Variants in ZNF107 observed in about 807,000 individuals in gnomAD.
ZNF107 encodes zinc finger protein 107, also known as C2H2 type zinc-finger protein.
A neutral mutation model predicts 12.3 loss-of-function variants in ZNF107; 19 were observed. That is an observed-to-expected ratio of 1.55 (90% CI 1.08 to 2.27). ZNF107 has a LOEUF of 2.27. Ranked by LOEUF, ZNF107 falls within the 30% of genes most tolerant of loss-of-function variation. ZNF107 has a pLI of 0.00. For missense variants in ZNF107, 958 were observed against 979.9 expected, an observed-to-expected ratio of 0.98 and a Z score of 0.30; for synonymous variants, 317 against 330.5, an observed-to-expected ratio of 0.96 and a Z score of 0.44.
chr7:64,686,401 T>C (rs758709311), intron 1 of ZNF107: 32 of 485,048 alleles, frequency 6.6e-5, no homozygotes, highest in Non-Finnish European at 3.7e-5. Context: ...CCAATCAATC[T>C]ATGCGACAAA....
At position 64,674,210 on chromosome 7, in the gene ZNF107, G is replaced by A. The variant is rs114462918; in HGVS notation, c.3+7925G>A. On this transcript the variant is annotated intron_variant, in intron 1 of 3. Transcript: ENST00000620827. ...TCTGTACATTTCTTTGGGCAGTATGGCCATTTTAATAATTTTGATCTTTTC... is the reference window on the plus strand; with the variant it reads ...TCTGTACATTTCTTTGGGCAGTATGACCATTTTAATAATTTTGATCTTTTC... Among the ~76,000 whole-genome samples, 1,089 of 152,018 alleles carry A rather than the reference G, an allele frequency of 7.2e-3. 14 individuals carry two copies. The highest frequency in any genetic ancestry group is 0.025 in the African/African-American group (1,038 of 41,464).
chr7:64,694,087 C>T (rs1466098586), intron 3 of ZNF107, among the ~76,000 whole-genome samples: 1 of 152,204 alleles, frequency 6.6e-6, no homozygotes, highest in Non-Finnish European at 1.5e-5. Flanking sequence ...CACACCCAGC[C>T]ACTGTGTGGG....
At position 64,709,230 on chromosome 7, in the gene ZNF107, A is replaced by C; in HGVS notation, c.*574A>C. ...CCCTACAAATGTGAAGTCTGTGGCAAAGCTTTTAACTGATTCTCAACTCTT... is the reference window on the plus strand; with the variant it reads ...CCCTACAAATGTGAAGTCTGTGGCACAGCTTTTAACTGATTCTCAACTCTT... On this transcript the variant is annotated 3_prime_UTR_variant, in exon 4 of 4. Coordinates refer to ENST00000620827, the MANE Select transcript of ZNF107 (RefSeq NM_001282359.2). 1 of 399,614 alleles carries C rather than the reference A, an allele frequency of 2.5e-6. No individual in the cohort carries two copies. The highest frequency in any genetic ancestry group is 5.0e-6 in the Non-Finnish European group (1 of 200,768). The allele number at this position is 399,614 out of a possible 1,614,324, so 24.8% of individuals were successfully genotyped here.
intron 3 of ZNF107, among the ~76,000 whole-genome samples, chr7:64,693,159 C>T (rs1408729638): frequency 7.1e-6 from 1 of 141,034 alleles, no homozygotes; most frequent in African/African-American, 2.6e-5. Flanking sequence ...CTACCACACT[C>T]AGCTAATTTT....
chr7:64,684,419 C>G (rs1789816976), intron 1 of ZNF107, among the ~76,000 whole-genome samples: 1 of 152,120 alleles, frequency 6.6e-6, no homozygotes, highest in African/African-American at 2.4e-5. Context: ...CCTCAGTGGA[C>G]AGGACCCTTC....
chr7:64,709,076 C>T lies in ZNF107; in HGVS notation c.*420C>T, dbSNP rs1183639008. ...GTGAAGAATGTGGCAAAGCTTTTAA[C>T]CAATCCTCATACCTTACTATACAGA... is the stretch of plus-strand genomic sequence containing the variant. On this transcript the variant is annotated 3_prime_UTR_variant, in exon 4 of 4. Coordinates refer to ENST00000620827, the MANE Select transcript of ZNF107 (RefSeq NM_001282359.2). The T allele has an allele frequency of 8.7e-6, 4 of 460,532 alleles. No individual in the cohort carries two copies. The highest frequency in any genetic ancestry group is 1.7e-5 in the Non-Finnish European group (4 of 229,348). The allele number at this position is 460,532 out of a possible 1,614,324, so 28.5% of individuals were successfully genotyped here. A position where few individuals can be genotyped will look rare whatever the true frequency, so the allele number is the denominator to read the frequency against.
Position 64,708,826 on chromosome 7 carries a change from A to G in ZNF107, c.*170A>G. ...AAAGAATGTGGCACAGCTTTTAACTAATCTTCAAACCTTACTGAAAGTTGA... is the reference window on the plus strand; with the variant it reads ...AAAGAATGTGGCACAGCTTTTAACTGATCTTCAAACCTTACTGAAAGTTGA... On this transcript the variant is annotated 3_prime_UTR_variant, in exon 4 of 4. Transcript: ENST00000620827. 1.4e-6 allele frequency: 1 copy of G among 717,060 alleles called. No individual in the cohort carries two copies. The highest frequency in any genetic ancestry group is 2.1e-5 in the South Asian group (1 of 48,752). The allele number at this position is 717,060 out of a possible 1,614,324, so 44.4% of individuals were successfully genotyped here. A position where few individuals can be genotyped will look rare whatever the true frequency, so the allele number is the denominator to read the frequency against.
intron 1 of ZNF107, among the ~76,000 whole-genome samples, chr7:64,681,288 C>T (rs1789662262): frequency 6.6e-6 from 1 of 152,208 alleles, no homozygotes; most frequent in South Asian, 2.1e-4. Context: ...CTTTCAGGGA[C>T]CTGTCTCCCT....
chr7:64,669,288 G>C (rs1789132928), intron 1 of ZNF107: 1 of 151,802 alleles, frequency 6.6e-6, no homozygotes, highest in Non-Finnish European at 1.5e-5. Flanking sequence ...GGGATTACAG[G>C]CATGAGCCAC....
In ZNF107 at chr7:64,706,899, C is replaced by T; in HGVS notation, c.802C>T (p.Gln268Ter). 6.2e-7 allele frequency: 1 copy of T among 1,613,006 alleles called. No homozygotes were observed. Among genetic ancestry groups the T allele is most frequent in the Non-Finnish European group, 8.5e-7 (1 of 1,179,568 alleles). The change falls in exon 4 of 4, where the codon CAG becomes TAG. Residue 268 changes from glutamine (Q) to a stop codon, truncating the protein, a stop_gained. Coordinates refer to ENST00000620827, the MANE Select transcript of ZNF107 (RefSeq NM_001282359.2). LOFTEE classifies it low-confidence loss of function (END_TRUNC). Reference sequence around the variant, plus strand: ...TGAAGAATGTGGCAAGGCCTTTAAACAGGCCTCACACCTTACTATACATAA... The same window carrying T: ...TGAAGAATGTGGCAAGGCCTTTAAATAGGCCTCACACCTTACTATACATAA... ...KCEECGKAFK[Q>*]ASHLTIHKII...
At chr7:64,683,381 G>A (rs1337293568) in intron 1 of ZNF107, among the ~76,000 whole-genome samples, 2 of 152,216 alleles carry the variant, frequency 1.3e-5, no homozygotes, top group Non-Finnish European at 2.9e-5. Flanking sequence ...TATCACTAAA[G>A]GAAATGCCCA....
At chr7:64,690,462 G>T (rs781223179) in intron 1 of ZNF107, 4 of 985,132 alleles carry the variant, frequency 4.1e-6, no homozygotes, top group Non-Finnish European at 4.8e-6. Flanking sequence ...GTTTTGGCTG[G>T]TGCCTTTCCG....
intron 1 of ZNF107, chr7:64,687,642 A>C: frequency 2.4e-6 from 2 of 847,616 alleles, no homozygotes; most frequent in African/African-American, 3.6e-5. Flanking sequence ...ATTAGCATAT[A>C]TGGATGACCT....
At chr7:64,666,358 T>C in intron 1 of ZNF107, 73 bp downstream of exon 1, 1 of 1,572,400 alleles carries the variant, frequency 6.4e-7, no homozygotes, top group Non-Finnish European at 8.6e-7. Flanking sequence ...TGGCTGTGGC[T>C]GGACTCGGGC....
intron 1 of ZNF107, chr7:64,686,598 G>A (rs1188269033): frequency 4.1e-6 from 4 of 985,284 alleles, no homozygotes; most frequent in East Asian, 1.1e-4. Flanking sequence ...ATTGCCAGCA[G>A]GCCATTATTG....
intron 3 of ZNF107, among the ~76,000 whole-genome samples, chr7:64,699,935 C>T (rs11769008): frequency 0.35 from 52,667 of 151,322 alleles, 9,687 homozygotes; most frequent in Non-Finnish European, 0.4. Flanking sequence ...GGCTTGGTAG[C>T]GGGTGCCTGT....
intron 1 of ZNF107, among the ~76,000 whole-genome samples, chr7:64,683,377 T>C (rs1024446523): frequency 6.6e-6 from 1 of 152,134 alleles, no homozygotes; most frequent in Non-Finnish European, 1.5e-5. Flanking sequence ...ACCCTATCAC[T>C]AAAGGAAATG....
At position 64,666,173 on chromosome 7, in the gene ZNF107, C is replaced by A; in HGVS notation, c.-110C>A. 1 of 1,457,862 alleles carries A rather than the reference C, an allele frequency of 6.9e-7. No individual in the cohort carries two copies. The highest frequency in any genetic ancestry group is 9.5e-7 in the Non-Finnish European group (1 of 1,053,208). The allele number at this position is 1,457,862 out of a possible 1,614,324, so 90.3% of individuals were successfully genotyped here. A position where few individuals can be genotyped will look rare whatever the true frequency, so the allele number is the denominator to read the frequency against. On this transcript the variant is annotated 5_prime_UTR_variant, in exon 1 of 4. Transcript: ENST00000620827. ...TGCAGCCGGAGCTCCTGCTCTCCTCCTCACTGCTCAGTGTCCTCTGCTCCT... is the reference window on the plus strand; with the variant it reads ...TGCAGCCGGAGCTCCTGCTCTCCTCATCACTGCTCAGTGTCCTCTGCTCCT...
chr7:64,677,498 T>C (rs1789462791), intron 1 of ZNF107, among the ~76,000 whole-genome samples: 1 of 148,820 alleles, frequency 6.7e-6, no homozygotes, highest in Non-Finnish European at 1.5e-5. Flanking sequence ...AACACCTTTC[T>C]CTCTTCTATT....
Sources: allele counts gnomAD v4.1 joint callset (sites outside exome capture counted in the v4.1 genomes callset), GRCh38; gene constraint gnomAD v4.1.1; transcripts MANE v1.5; gene names NCBI Gene and HGNC (gene_info 2026-07-23, HGNC 2026-07-21).